Variants in LZTS1 observed in about 807,000 individuals in gnomAD.
LZTS1 encodes leucine zipper tumor suppressor 1.
In LZTS1, 31 loss-of-function variants were observed where a neutral mutation model predicts 45.8. That is an observed-to-expected ratio of 0.68 (90% CI 0.51 to 0.91). LZTS1 has a LOEUF of 0.91. LZTS1 is among the 40% of genes least tolerant of loss of function. The pLI is 0.00. For synonymous variants in LZTS1, 359 were observed against 357.3 expected, an observed-to-expected ratio of 1.00 and a Z score of -0.05; for missense variants, 821 against 788.9, an observed-to-expected ratio of 1.04 and a Z score of -0.49.
intron 1 of LZTS1, among the ~76,000 whole-genome samples, chr8:20,277,118 AAAG>A (rs1800599977): frequency 6.6e-6 from 1 of 152,228 alleles, no homozygotes; most frequent in Non-Finnish European, 1.5e-5. Context: ...AGGCTGTGGT[AAAG>A]AAGCAGGCCA....
chr8:20,286,458 C>G (rs1294801532), intron 1 of LZTS1, among the ~76,000 whole-genome samples: 2 of 152,198 alleles, frequency 1.3e-5, no homozygotes, highest in Non-Finnish European at 2.9e-5. Context: ...TAAATACCTA[C>G]CGCTAGGCCA....
intron 1 of LZTS1, among the ~76,000 whole-genome samples, chr8:20,286,352 A>G (rs1256042959): frequency 1.3e-5 from 2 of 152,210 alleles, no homozygotes; most frequent in Non-Finnish European, 2.9e-5. Flanking sequence ...AGGACATGCT[A>G]ATGGACAAAA....
At chr8:20,303,014 G>C (rs1016597469) in intron 1 of LZTS1, among the ~76,000 whole-genome samples, 3 of 152,122 alleles carry the variant, frequency 2.0e-5, no homozygotes, top group African/African-American at 7.2e-5. Flanking sequence ...GCAGGGTGGA[G>C]GGGTGAGGTC....
intron 1 of LZTS1, among the ~76,000 whole-genome samples, chr8:20,297,609 T>G (rs183406638): frequency 6.6e-5 from 10 of 152,228 alleles, no homozygotes; most frequent in African/African-American, 2.2e-4. Context: ...AGAGATGGGA[T>G]TTCGCCATGT....
intron 3 of LZTS1, among the ~76,000 whole-genome samples, chr8:20,251,102 T>C (rs867997467): frequency 0.018 from 188 of 10,454 alleles, 1 homozygote; most frequent in African/African-American, 0.099. Flanking sequence ...AGGGCTAATA[T>C]ATATATATAT....
chr8:20,250,041 G>C lies in LZTS1; in HGVS notation c.1472C>G (p.Pro491Arg). ...GGCAGGGACGTCCTCGGGGAAGGTG[G>C]GCGGCCCCATGTCGCGGGCCAGGGC... is the stretch of plus-strand genomic sequence containing the variant. ...QAALARDMGP[P>R]TFPEDVPALQ... The change falls in exon 4 of 4, where the codon CCC (proline) becomes CGC (arginine). Residue 491 changes from proline (P) to arginine (R), a missense_variant. Transcript: ENST00000381569. The C allele has an allele frequency of 6.2e-7, 1 of 1,609,650 alleles. No individual in the cohort carries two copies. The highest frequency in any genetic ancestry group is 1.1e-5 in the South Asian group (1 of 90,968).
chr8:20,284,532 T>C (rs1158594436), intron 1 of LZTS1, among the ~76,000 whole-genome samples: 2 of 151,000 alleles, frequency 1.3e-5, no homozygotes, highest in Admixed American at 6.6e-5. Flanking sequence ...CACATTTCAC[T>C]TTTTTTTTAA....
chr8:20,293,555 G>T (rs538105165), intron 1 of LZTS1, among the ~76,000 whole-genome samples: 15 of 152,296 alleles, frequency 9.8e-5, no homozygotes, highest in African/African-American at 3.1e-4. Context: ...TTGTGGCAGG[G>T]TCTGTGGTTG....
At chr8:20,285,994 C>A (rs1438019245) in intron 1 of LZTS1, among the ~76,000 whole-genome samples, 1 of 152,228 alleles carries the variant, frequency 6.6e-6, no homozygotes, top group Non-Finnish European at 1.5e-5. Flanking sequence ...TCCTACCACA[C>A]ACGAATATTT....
rs1585270892 is a variant in LZTS1 at position 20,249,640 on chromosome 8, T to A, written c.*82A>T. Reference sequence around the variant, plus strand: ...GGGAGTGGCGTCTCTCAGAGGGGTCTGAATTGCTGAGCAGGGGGGATGCAC... The same window carrying A: ...GGGAGTGGCGTCTCTCAGAGGGGTCAGAATTGCTGAGCAGGGGGGATGCAC... On this transcript the variant is annotated 3_prime_UTR_variant, in exon 4 of 4. Coordinates refer to ENST00000381569, the MANE Select transcript of LZTS1 (RefSeq NM_021020.5). 6.6e-7 allele frequency: 1 copy of A among 1,508,440 alleles called. No homozygotes were observed. Among genetic ancestry groups the A allele is most frequent in the East Asian group, 2.3e-5 (1 of 43,994 alleles). 93.4% of individuals were successfully genotyped at this position (1,508,440 alleles called of 1,614,324 possible).
Position 20,249,440 on chromosome 8 carries a change from A to C in LZTS1, c.*282T>G, listed in dbSNP as rs1799821672. 2.5e-6 allele frequency: 1 copy of C among 394,560 alleles called. No individual in the cohort carries two copies. Among genetic ancestry groups the C allele is most frequent in the South Asian group, 5.7e-5 (1 of 17,648 alleles). The allele number at this position is 394,560 out of a possible 1,614,324, so 24.4% of individuals were successfully genotyped here. A position where few individuals can be genotyped will look rare whatever the true frequency, so the allele number is the denominator to read the frequency against. On this transcript the variant is annotated 3_prime_UTR_variant, in exon 4 of 4. Transcript: ENST00000381569. ...GGATATCTATTTCGAACAAAGGCCA[A>C]AGTTTAGGGAGCCCTTAACCAAAGC...
intron 1 of LZTS1, among the ~76,000 whole-genome samples, chr8:20,259,201 C>G (rs78917699): frequency 0.023 from 3,438 of 152,206 alleles, 140 homozygotes; most frequent in African/African-American, 0.08. Context: ...ATTTGAAAAT[C>G]AATCTCTCTG....
intron 1 of LZTS1, among the ~76,000 whole-genome samples, chr8:20,263,138 C>T (rs996197003): frequency 1.3e-5 from 2 of 152,172 alleles, no homozygotes; most frequent in South Asian, 4.1e-4. Context: ...AGAAGAGCTG[C>T]GGGGCTGGAC....
Position 20,249,110 on chromosome 8 carries a change from T to A in LZTS1, c.*612A>T, listed in dbSNP as rs971853110. The A allele has an allele frequency of 6.5e-6, 1 of 153,240 alleles. No homozygotes were observed. Among genetic ancestry groups the A allele is most frequent in the Admixed American group, 6.5e-5 (1 of 15,286 alleles). 9.5% of individuals were successfully genotyped at this position (153,240 alleles called of 1,614,324 possible). A position where few individuals can be genotyped will look rare whatever the true frequency, so the allele number is the denominator to read the frequency against. The stretch of plus-strand genomic sequence containing the variant: ...GATTCTCCCTCTGCCCTCCTCTGGC[T>A]GTGGCAGGGTCTCCACACTGCTGGG... On this transcript the variant is annotated 3_prime_UTR_variant, in exon 4 of 4. Transcript: ENST00000381569.
intron 1 of LZTS1, among the ~76,000 whole-genome samples, chr8:20,291,324 T>C (rs1800898050): frequency 6.6e-6 from 1 of 152,122 alleles, no homozygotes; most frequent in Admixed American, 6.5e-5. Context: ...CCTGACCCCC[T>C]GGACACCTGC....
Position 20,253,277 on chromosome 8 carries a change from G to A in LZTS1, c.654C>T (p.Val218=). ...GSAHNITQGI[V]LQDSNMMSLK... is the part of the protein sequence containing the mutation. ...GGCTCATCATGTTGCTGTCCTGGAG[G>A]ACGATGCCCTGGGTGATGTTGTGGG... Residue 218 remains valine (V), a synonymous_variant, in exon 3 of 4, where the codon GTC becomes GTT. Transcript: ENST00000381569. The A allele has an allele frequency of 1.2e-6, 2 of 1,614,122 alleles. No individual in the cohort carries two copies. Among genetic ancestry groups the A allele is most frequent in the South Asian group, 2.2e-5 (2 of 91,090 alleles).
At chr8:20,296,514 A>G (rs757080064) in intron 1 of LZTS1, among the ~76,000 whole-genome samples, 13 of 152,192 alleles carry the variant, frequency 8.5e-5, no homozygotes, top group Non-Finnish European at 1.9e-4. Context: ...ACCTCAGACC[A>G]TGCCACAGAT....
At chr8:20,284,877 C>T (rs932457177) in intron 1 of LZTS1, among the ~76,000 whole-genome samples, 1 of 152,178 alleles carries the variant, frequency 6.6e-6, no homozygotes, top group Non-Finnish European at 1.5e-5. Context: ...CTCATCAAGA[C>T]CCATGCTCCC....
rs756555735 is a variant in LZTS1 at position 20,249,956 on chromosome 8, G to A, written c.1557C>T (p.Asp519=). The A allele has an allele frequency of 1.2e-6, 2 of 1,614,104 alleles. No individual in the cohort carries two copies. The highest frequency in any genetic ancestry group is 1.7e-6 in the Non-Finnish European group (2 of 1,179,996). The change falls in exon 4 of 4, where the codon GAC becomes GAT. Residue 519 remains aspartate (D), a synonymous_variant. Transcript: ENST00000381569. ...CATGCTGGAAGCCCGAGGACATCTG[G>A]TCATGGCCTTGCCGCTCCTCCCGCA... ...AELREERQGH[D]QMSSGFQHER...
Sources: gnomAD v4.1 joint callset for allele counts (sites outside exome capture counted in the v4.1 genomes callset) on GRCh38, gnomAD v4.1.1 for gene constraint, MANE v1.5 for transcripts, NCBI Gene and HGNC (gene_info 2026-07-23, HGNC 2026-07-21) for gene names.